Variants in DUSP16 observed in about 807,000 individuals in gnomAD.
The protein encoded by DUSP16 is dual specificity phosphatase 16.
In DUSP16, 21 loss-of-function variants were observed where a neutral mutation model predicts 58.3. The observed-to-expected ratio is 0.36, with a 90% CI of 0.26 to 0.52. The LOEUF is 0.52. DUSP16 is among the 20% of genes least tolerant of loss of function. DUSP16 has a pLI of 0.94. For synonymous variants in DUSP16, 320 were observed against 323.8 expected (o/e 0.99, Z 0.12); for missense variants, 726 against 819.0 (o/e 0.89, Z 1.39).
In DUSP16 at chr12:12,475,030, G is replaced by A. The variant is rs1342838602; in HGVS notation, c.*1803C>T. On this transcript the variant is annotated 3_prime_UTR_variant, in exon 7 of 7. Transcript: ENST00000298573. ...TGTGCACAACTAGTGAGGTCTGTGC[G>A]GCTCATCATCCCCATAACCAAGTCG... is the stretch of plus-strand genomic sequence containing the variant. 1.3e-5 allele frequency: 2 copies of A among 152,128 alleles called. No homozygotes were observed. The highest frequency in any genetic ancestry group is 1.5e-5 in the Non-Finnish European group (1 of 68,042). The allele number at this position is 152,128 out of a possible 1,614,324, so 9.4% of individuals were successfully genotyped here.
chr12:12,549,077 G>C (rs1233661700), intron 1 of DUSP16, among the ~76,000 whole-genome samples: 3 of 152,084 alleles, frequency 2.0e-5, no homozygotes, highest in Admixed American at 2.0e-4. Context: ...AATACAATTA[G>C]TCTTTCATTT....
At chr12:12,559,324 A>G (rs778677667) in intron 1 of DUSP16, among the ~76,000 whole-genome samples, 12 of 152,242 alleles carry the variant, frequency 7.9e-5, no homozygotes, top group Non-Finnish European at 1.5e-4. Flanking sequence ...AGCACCAACT[A>G]TGGTTTTTCC....
In DUSP16 at chr12:12,525,879, T is replaced by G. The variant is rs74668382; in HGVS notation, c.-365-4416A>C. ...GGGGGTCACCACAGCTGGCCTGTTT[T>G]ATGACATACTAGTTAGAGAGTACCC... On this transcript the variant is annotated intron_variant, in intron 1 of 6. Coordinates refer to ENST00000298573, the MANE Select transcript of DUSP16 (RefSeq NM_030640.3). 3.0e-3 allele frequency among the ~76,000 whole-genome samples: 450 copies of G among 152,228 alleles called. 2 individuals carry two copies. The highest frequency in any genetic ancestry group is 0.01 in the African/African-American group (423 of 41,520).
chr12:12,519,755 A>T, intron 3 of DUSP16, 107 bp downstream of exon 3: 1 of 1,127,962 alleles, frequency 8.9e-7, no homozygotes, highest in Non-Finnish European at 1.3e-6. Context: ...AAATCATTTT[A>T]CACAGCAAAG....
intron 1 of DUSP16, among the ~76,000 whole-genome samples, chr12:12,559,758 G>A (rs2136277207): frequency 6.6e-6 from 1 of 152,148 alleles, no homozygotes; most frequent in African/African-American, 2.4e-5. Flanking sequence ...TCCCAGTCCA[G>A]GGATTTACAG....
At chr12:12,560,354 C>A (rs1944879454) in intron 1 of DUSP16, among the ~76,000 whole-genome samples, 1 of 151,962 alleles carries the variant, frequency 6.6e-6, no homozygotes, top group Non-Finnish European at 1.5e-5. Flanking sequence ...AAAATAAATT[C>A]ATTTCTAATT....
At chr12:12,501,963 C>G (rs759972098) in intron 3 of DUSP16, among the ~76,000 whole-genome samples, 1 of 151,962 alleles carries the variant, frequency 6.6e-6, no homozygotes, top group Non-Finnish European at 1.5e-5. Context: ...GCACTCCAGC[C>G]TGGGCAACAG....
rs147081900 is a variant in DUSP16 at position 12,548,742 on chromosome 12, G to A, written c.-366+13375C>T. Among the ~76,000 whole-genome samples, 101 of 151,890 alleles carry A rather than the reference G, an allele frequency of 6.6e-4. 1 individual carries two copies. The East Asian group carries it at 0.017, about 26-fold the overall frequency. Reference sequence around the variant, plus strand: ...CCTCCCAACCTTTAATAATCTAAAGGTGTCAAGAACTGCTCCAGGATACTA... The same window carrying A: ...CCTCCCAACCTTTAATAATCTAAAGATGTCAAGAACTGCTCCAGGATACTA... On this transcript the variant is annotated intron_variant, in intron 1 of 6. Transcript: ENST00000298573.
At chr12:12,555,495 T>G (rs1056064492) in intron 1 of DUSP16, among the ~76,000 whole-genome samples, 1 of 152,214 alleles carries the variant, frequency 6.6e-6, no homozygotes, top group African/African-American at 2.4e-5. Flanking sequence ...CAACGCACAC[T>G]GTAAGTAGCA....
chr12:12,477,004 C>T lies in DUSP16; in HGVS notation c.1827G>A (p.Ser609=), dbSNP rs150953078. 70 of 1,614,102 alleles carry T rather than the reference C, an allele frequency of 4.3e-5. No homozygotes were observed. In the African/African-American group the frequency reaches 7.3e-4, roughly 17 times the overall value. ...GGCTCTCTTCATGCCAGCTCCGCCG[C>T]GAGTCAGCTCTGTCACTTGGCTTCT... ...RRQKPSDRAD[S]RRSWHEESPF... Residue 609 remains serine, a synonymous_variant, in exon 7 of 7, where the codon TCG becomes TCA. Transcript: ENST00000298573. This position sits in a 1 kb window ranked among gnomAD's most constrained non-coding sequence, Gnocchi z 4.1.
At chr12:12,541,112 T>A (rs941291164) in intron 1 of DUSP16, among the ~76,000 whole-genome samples, 1 of 151,800 alleles carries the variant, frequency 6.6e-6, no homozygotes, top group African/African-American at 2.4e-5. Context: ...GTGCACACCA[T>A]CACGCCTGGC....
chr12:12,516,374 T>C (rs768503042), intron 3 of DUSP16, among the ~76,000 whole-genome samples: 8 of 152,210 alleles, frequency 5.3e-5, no homozygotes, highest in Non-Finnish European at 8.8e-5. Flanking sequence ...ACTTGGTTAG[T>C]AGGTTATTTA....
Position 12,550,128 on chromosome 12 carries a change from C to A in DUSP16, c.-366+11989G>T, listed in dbSNP as rs1047248604. On this transcript the variant is annotated intron_variant, in intron 1 of 6. Transcript: ENST00000298573. ...TCTCTACTAAAAATATAAAAATTAG[C>A]TAGGCATGATGGAGGGTGCCTGTAA... Among the ~76,000 whole-genome samples the A allele has an allele frequency of 1.1e-4, 16 of 152,166 alleles. 1 individual carries two copies. In the Middle Eastern group the frequency reaches 0.01, roughly 97 times the overall value.
chr12:12,521,091 T>A lies in DUSP16; in HGVS notation c.8A>T (p.His3Leu). 6.2e-7 allele frequency: 1 copy of A among 1,614,144 alleles called. No individual in the cohort carries two copies. The highest frequency in any genetic ancestry group is 1.1e-5 in the South Asian group (1 of 91,074). MA[H>L]EMIGTQIVTE... ...AACAATTTGAGTTCCAATCATCTCA[T>A]GGGCCATGACAACAATAAGTCCTCT... Residue 3 changes from histidine to leucine, a missense_variant, in exon 2 of 7, where the codon CAT becomes CTT. His to Leu is a moderately conservative substitution (Grantham distance 99, BLOSUM62 -3). Coordinates refer to ENST00000298573, the MANE Select transcript of DUSP16 (RefSeq NM_030640.3).
intron 3 of DUSP16, among the ~76,000 whole-genome samples, chr12:12,504,153 C>G (rs1943950788): frequency 6.6e-6 from 1 of 152,288 alleles, no homozygotes; most frequent in Non-Finnish European, 1.5e-5. Context: ...TCTCATCATT[C>G]TTTGCTTTTC....
intron 1 of DUSP16, among the ~76,000 whole-genome samples, chr12:12,549,432 GTCT>G (rs1944694284): frequency 6.6e-6 from 1 of 152,106 alleles, no homozygotes; most frequent in South Asian, 2.1e-4. Flanking sequence ...TGATCCTGGA[GTCT>G]TCCTCCGTGC....
At chr12:12,542,650 T>C (rs908045846) in intron 1 of DUSP16, among the ~76,000 whole-genome samples, 2 of 152,128 alleles carry the variant, frequency 1.3e-5, no homozygotes, top group African/African-American at 4.8e-5. Context: ...TTTTTTTAAA[T>C]GGTAAATTTG....
chr12:12,547,766 T>C (rs1361051778), intron 1 of DUSP16, among the ~76,000 whole-genome samples: 1 of 152,148 alleles, frequency 6.6e-6, no homozygotes, highest in Non-Finnish European at 1.5e-5. Flanking sequence ...AGTGCTACCT[T>C]CTAGCTATTG....
intron 4 of DUSP16, 131 bp downstream of exon 4, chr12:12,500,388 T>C: frequency 9.3e-7 from 1 of 1,079,312 alleles, no homozygotes; most frequent in African/African-American, 1.6e-5. Flanking sequence ...AACTGTTACC[T>C]GGGGAGCACA....
Sources: gnomAD v4.1 joint callset for allele counts (sites outside exome capture counted in the v4.1 genomes callset) on GRCh38, gnomAD v4.1.1 for gene constraint, Gnocchi (gnomAD v3.1) non-coding constraint, MANE v1.5 for transcripts, NCBI Gene and HGNC (gene_info 2026-07-23, HGNC 2026-07-21) for gene names.